The following HYCC1 variants were observed in gnomAD, a reference collection of about 807,000 sequenced individuals.
HYCC1 encodes the protein hyccin PI4KA lipid kinase complex subunit 1.
the HYCC1 span, among the ~76,000 whole-genome samples, chr7:22,950,315 C>T: frequency 2.9e-3 from 446 of 152,128 alleles, 1 homozygote; most frequent in Non-Finnish European, 5.4e-3. Context: ...CTCTAACCTA[C>T]AATTATTTAT....
the HYCC1 span, chr7:22,938,806 C>T: frequency 6.7e-6 from 1 of 149,136 alleles, no homozygotes; most frequent in Non-Finnish European, 1.5e-5. Context: ...ACTGAGGAAC[C>T]CGTTAGAAAT....
the HYCC1 span, among the ~76,000 whole-genome samples, chr7:23,001,078 T>C: frequency 6.6e-6 from 1 of 152,160 alleles, no homozygotes; most frequent in Non-Finnish European, 1.5e-5. Context: ...ATTGGGAATA[T>C]GGTCTGGAAA....
At chr7:23,005,308 A>C in the HYCC1 span, among the ~76,000 whole-genome samples, 10 of 152,228 alleles carry the variant, frequency 6.6e-5, no homozygotes, top group African/African-American at 2.4e-4. Context: ...TGAATGATAG[A>C]TAATAACATC....
the HYCC1 span, among the ~76,000 whole-genome samples, chr7:22,990,768 T>C: frequency 6.6e-6 from 1 of 152,210 alleles, no homozygotes; most frequent in Non-Finnish European, 1.5e-5. Flanking sequence ...GAATCACTGA[T>C]GGTCGCTGGA....
chr7:22,977,410 G>T, the HYCC1 span: 1 of 1,574,548 alleles, frequency 6.4e-7, no homozygotes, highest in Non-Finnish European at 8.7e-7. Context: ...GTCCCTGTTT[G>T]TCAACTATTT....
chr7:22,951,275 C>T, the HYCC1 span, among the ~76,000 whole-genome samples: 1 of 151,570 alleles, frequency 6.6e-6, no homozygotes, highest in African/African-American at 2.4e-5. Context: ...TTTATGGCTG[C>T]CATATTTACT....
At chr7:22,898,559 CCAGG>C in the HYCC1 span, among the ~76,000 whole-genome samples, 4 of 149,014 alleles carry the variant, frequency 2.7e-5, no homozygotes, top group Non-Finnish European at 5.9e-5. Flanking sequence ...CCCATGTTAC[CCAGG>C]CTGGTCCAAA....
At chr7:22,964,484 C>A in the HYCC1 span, 92 of 1,610,856 alleles carry the variant, frequency 5.7e-5, 1 homozygote, top group Middle Eastern at 1.7e-4. Flanking sequence ...GCTACTTATA[C>A]CTTTATATTT....
At chr7:23,009,264 AATG>A in the HYCC1 span, among the ~76,000 whole-genome samples, 1 of 152,154 alleles carries the variant, frequency 6.6e-6, no homozygotes, top group Non-Finnish European at 1.5e-5. Flanking sequence ...AATTTCCTAC[AATG>A]ATTATTATAT....
At chr7:22,909,133 C>T in the HYCC1 span, among the ~76,000 whole-genome samples, 1 of 152,076 alleles carries the variant, frequency 6.6e-6, no homozygotes, top group African/African-American at 2.4e-5. Context: ...AATCTCATGT[C>T]GAAATGTAAT....
At chr7:22,899,694 T>C in the HYCC1 span, among the ~76,000 whole-genome samples, 1 of 152,342 alleles carries the variant, frequency 6.6e-6, no homozygotes, top group East Asian at 1.9e-4. Flanking sequence ...GTTATGAATA[T>C]CCATATTGTA....
chr7:22,959,347 AT>A, the HYCC1 span, among the ~76,000 whole-genome samples: 2 of 152,024 alleles, frequency 1.3e-5, no homozygotes, highest in African/African-American at 4.8e-5. Context: ...CTCCTTTCCC[AT>A]TTTCTCTATA....
At chr7:22,942,371 T>C in the HYCC1 span, 5 of 152,110 alleles carry the variant, frequency 3.3e-5, no homozygotes, top group African/African-American at 1.2e-4. Flanking sequence ...AAAATTTCCA[T>C]AGTGGTATAC....
At chr7:22,907,981 T>C in the HYCC1 span, among the ~76,000 whole-genome samples, 3 of 152,186 alleles carry the variant, frequency 2.0e-5, no homozygotes, top group African/African-American at 7.2e-5. Flanking sequence ...TCCCATTTGC[T>C]GACCCATAAT....
At chr7:22,919,625 T>C in the HYCC1 span, among the ~76,000 whole-genome samples, 8 of 149,820 alleles carry the variant, frequency 5.3e-5, no homozygotes, top group Non-Finnish European at 1.0e-4. Context: ...AAACTAATAA[T>C]GGAAATACTG....
At chr7:22,943,407 G>A in the HYCC1 span, 1 of 152,102 alleles carries the variant, frequency 6.6e-6, no homozygotes, top group East Asian at 1.9e-4. Flanking sequence ...TTCTGATTTA[G>A]TAGACCTAGA....
chr7:22,946,898 G>A, the HYCC1 span: 1 of 1,445,672 alleles, frequency 6.9e-7, no homozygotes, highest in Non-Finnish European at 9.2e-7. Flanking sequence ...CAAAATTTTT[G>A]TGACTGTGCA....
chr7:22,957,681 G>A, the HYCC1 span, among the ~76,000 whole-genome samples: 1 of 151,972 alleles, frequency 6.6e-6, no homozygotes, highest in Admixed American at 6.6e-5. Context: ...GAAGAAATTT[G>A]TCCTACTGTG....
chr7:22,943,862 T>A, the HYCC1 span: 6 of 152,606 alleles, frequency 3.9e-5, no homozygotes, highest in African/African-American at 9.7e-5. Context: ...TAGATCTTAT[T>A]CCATTCTGTT....
Sources: gnomAD v4.1 joint callset for allele counts (sites outside exome capture counted in the v4.1 genomes callset) on GRCh38, gnomAD v4.1.1 for gene constraint, MANE v1.5 for transcripts, NCBI Gene and HGNC (gene_info 2026-07-23, HGNC 2026-07-21) for gene names.